DHX34: variants seen among roughly 807,000 people sequenced by gnomAD.
DHX34 encodes probable ATP-dependent RNA helicase DHX34.
In DHX34, 96 loss-of-function variants were observed where a neutral mutation model predicts 111.1. The observed-to-expected ratio is 0.86, with a 90% CI of 0.73 to 1.02. The LOEUF (loss-of-function observed/expected upper bound fraction) is 1.02, where lower values mean the gene tolerates loss of function less well. Among genes scored for constraint, DHX34 ranks in the 50% least tolerant of loss-of-function variants. The probability of loss-of-function intolerance (pLI) is 0.00; values close to 1 mark genes in which losing one functional copy is unlikely to be tolerated. For synonymous variants in DHX34, 688 were observed against 670.4 expected, an observed-to-expected ratio of 1.03 and a Z score of -0.41; for missense variants, 1,560 against 1,579.9, an observed-to-expected ratio of 0.99 and a Z score of 0.21.
intron 3 of DHX34, among the ~76,000 whole-genome samples, chr19:47,356,089 G>C (rs1287301953): frequency 6.6e-6 from 1 of 152,072 alleles, no homozygotes; most frequent in Non-Finnish European, 1.5e-5. Flanking sequence ...GTGCATTGTA[G>C]GATATCTAGC....
rs1489279671 is a variant in DHX34 at position 47,381,971 on chromosome 19, C to T, written c.3299-9C>T. ...CGCCCCTCACAGCCTCCTCCTTTTC[C>T]TCCCTTAGGGGCTGAGGAAGCTGCC... On this transcript the variant is annotated splice_polypyrimidine_tract_variant and intron_variant, in intron 16 of 16. Coordinates refer to ENST00000328771, the MANE Select transcript of DHX34 (RefSeq NM_014681.6). 3 of 1,613,902 alleles carry T rather than the reference C, an allele frequency of 1.9e-6. No individual in the cohort carries two copies. The highest frequency in any genetic ancestry group is 2.7e-5 in the African/African-American group (2 of 74,922).
At chr19:47,366,692 T>C (rs1250036368) in intron 6 of DHX34, among the ~76,000 whole-genome samples, 14 of 152,122 alleles carry the variant, frequency 9.2e-5, no homozygotes, top group Non-Finnish European at 2.1e-4. Context: ...GCGATTCTCC[T>C]GCCTCAGCCT....
In DHX34 at chr19:47,380,805, T is replaced by C. The variant is rs1277538545; in HGVS notation, c.2983-11T>C. 3 of 1,613,614 alleles carry C rather than the reference T, an allele frequency of 1.9e-6. No individual in the cohort carries two copies. Among genetic ancestry groups the C allele is most frequent in the Non-Finnish European group, 2.5e-6 (3 of 1,179,802 alleles). On this transcript the variant is annotated splice_polypyrimidine_tract_variant and intron_variant, in intron 14 of 16. Transcript: ENST00000328771. The stretch of plus-strand genomic sequence containing the variant: ...TCTGTCTCTCTCCATTTCCTGTCTC[T>C]CCTTCCTTAGATTCCTTACAGCCTC...
intron 6 of DHX34, among the ~76,000 whole-genome samples, chr19:47,366,297 TTGAGATAGAATCTCACTCTG>T (rs1969783487): frequency 6.6e-6 from 1 of 152,150 alleles, no homozygotes; most frequent in African/African-American, 2.4e-5. Context: ...TATTTTATTT[TTGAGATAGAATCTCACTCTG>T]TGGCCCAGGC....
At chr19:47,379,021 A>G (rs910297651) in intron 13 of DHX34, among the ~76,000 whole-genome samples, 11 of 149,936 alleles carry the variant, frequency 7.3e-5, no homozygotes, top group African/African-American at 1.7e-4. Context: ...CCCAGCTACT[A>G]GGGAGGCTGA....
intron 9 of DHX34, 32 bp downstream of exon 9, chr19:47,373,732 C>T (rs749315956): frequency 6.2e-7 from 1 of 1,603,646 alleles, no homozygotes; most frequent in Non-Finnish European, 8.5e-7. Context: ...AAGGCCGGCC[C>T]CACTCAGGCA....
chr19:47,356,933 C>T (rs1969475307), intron 3 of DHX34, among the ~76,000 whole-genome samples: 1 of 152,164 alleles, frequency 6.6e-6, no homozygotes, highest in South Asian at 2.1e-4. Flanking sequence ...AGAGCGAGAC[C>T]CTGTCTCAAA....
chr19:47,361,176 G>A (rs868811037), intron 5 of DHX34, among the ~76,000 whole-genome samples: 3 of 152,060 alleles, frequency 2.0e-5, no homozygotes, highest in South Asian at 2.1e-4. Flanking sequence ...AGGCCGTCCC[G>A]GCTGGGCGCG....
intron 8 of DHX34, 122 bp downstream of exon 8, chr19:47,373,045 A>G: frequency 1.5e-6 from 2 of 1,298,548 alleles, no homozygotes; most frequent in Non-Finnish European, 2.0e-6. Context: ...TGAGCCCCCC[A>G]CAGACTGGGC....
At chr19:47,349,940 C>T (rs979403408) in intron 1 of DHX34, among the ~76,000 whole-genome samples, 1 of 152,084 alleles carries the variant, frequency 6.6e-6, no homozygotes, top group Non-Finnish European at 1.5e-5. Flanking sequence ...GGAGCCCGAA[C>T]CCCTGGATTT....
chr19:47,373,829 C>T lies in DHX34; in HGVS notation c.2064+129C>T. On this transcript the variant is annotated intron_variant, in intron 9 of 16. Coordinates refer to ENST00000328771, the MANE Select transcript of DHX34 (RefSeq NM_014681.6). The stretch of plus-strand genomic sequence containing the variant: ...TCCCACCCTGCACCCACCTCCCCCA[C>T]CACCCGGTGACCAGGTGTTGGGGCA... 4 of 1,192,620 alleles carry T rather than the reference C, an allele frequency of 3.4e-6. No homozygotes were observed. In the South Asian group the frequency reaches 6.1e-5, roughly 18 times the overall value. 73.9% of individuals were successfully genotyped at this position (1,192,620 alleles called of 1,614,324 possible). A position where few individuals can be genotyped will look rare whatever the true frequency, so the allele number is the denominator to read the frequency against.
chr19:47,376,149 T>G (rs1236197504), intron 11 of DHX34, 52 bp downstream of exon 11: 2 of 1,519,150 alleles, frequency 1.3e-6, no homozygotes, highest in East Asian at 4.5e-5. Context: ...ACACGAACCC[T>G]GAGTGCCTGT....
intron 1 of DHX34, among the ~76,000 whole-genome samples, chr19:47,350,901 G>A (rs1214879600): frequency 2.0e-5 from 3 of 151,954 alleles, no homozygotes; most frequent in Non-Finnish European, 4.4e-5. Flanking sequence ...TGAACAAGAC[G>A]GACTGAAAAA....
intron 3 of DHX34, among the ~76,000 whole-genome samples, chr19:47,356,928 G>A (rs558173706): frequency 5.9e-5 from 9 of 152,320 alleles, no homozygotes; most frequent in Middle Eastern, 6.8e-3. Context: ...GTGACAGAGC[G>A]AGACCCTGTC....
At chr19:47,377,338 G>A (rs1173648054) in intron 13 of DHX34, 132 bp downstream of exon 13, 5 of 930,016 alleles carry the variant, frequency 5.4e-6, no homozygotes, top group South Asian at 3.4e-5. Flanking sequence ...TCAGCCTTGG[G>A]CCGTTGCTGT....
intron 16 of DHX34, 37 bp downstream of exon 16, chr19:47,381,361 C>T (rs771099220): frequency 2.9e-5 from 46 of 1,592,696 alleles, no homozygotes; most frequent in East Asian, 2.0e-4. Context: ...CCACCTCTGC[C>T]CAGCCGTCTG....
intron 5 of DHX34, among the ~76,000 whole-genome samples, chr19:47,361,921 G>A (rs1297052881): frequency 6.6e-6 from 1 of 152,196 alleles, no homozygotes; most frequent in African/African-American, 2.4e-5. Flanking sequence ...TATAGTAGGT[G>A]CTTAATAAGT....
intron 1 of DHX34, among the ~76,000 whole-genome samples, chr19:47,350,385 C>T (rs867716849): frequency 4.0e-5 from 6 of 151,592 alleles, no homozygotes; most frequent in African/African-American, 1.5e-4. Flanking sequence ...GGCTGGGTGA[C>T]AGAGTGAGAC....
chr19:47,379,893 C>A lies in DHX34; in HGVS notation c.2890C>A (p.Gln964Lys). The change falls in exon 14 of 17, where the codon CAG becomes AAG. Residue 964 changes from glutamine to lysine, a missense_variant. Coordinates refer to ENST00000328771, the MANE Select transcript of DHX34 (RefSeq NM_014681.6). ...CCGGCAGCTGGCGCACCAGGCCCAG[C>A]AGCAGCTGGAGGAGGAGGAGGAGGA... ...LDRQLAHQAQQQLEEEEEDTP... is the reference protein window; with the variant it reads ...LDRQLAHQAQKQLEEEEEDTP... The A allele has an allele frequency of 6.2e-7, 1 of 1,613,300 alleles. No individual in the cohort carries two copies. The highest frequency in any genetic ancestry group is 1.1e-5 in the South Asian group (1 of 91,062).
Sources: allele counts gnomAD v4.1 joint callset (sites outside exome capture counted in the v4.1 genomes callset), GRCh38; gene constraint gnomAD v4.1.1; transcripts MANE v1.5; gene names NCBI Gene and HGNC (gene_info 2026-07-23, HGNC 2026-07-21).